ANGPT4: variants seen among roughly 807,000 people sequenced by gnomAD.
ANGPT4 encodes angiopoietin-4.
Under a neutral mutation model 53.0 loss-of-function variants are expected in ANGPT4, and 50 were observed. The ratio of observed to expected loss-of-function variants is 0.94; its 90% CI spans 0.75 to 1.20. ANGPT4 has a LOEUF of 1.20. Ranked by LOEUF, ANGPT4 falls within the 50% of genes most tolerant of loss-of-function variation. The pLI, the probability that ANGPT4 is intolerant of heterozygous loss-of-function variation, is 0.00. For synonymous variants in ANGPT4, 251 were observed against 259.7 expected (o/e 0.97, Z 0.32); for missense variants, 648 against 637.1 (o/e 1.02, Z -0.18).
At chr20:899,531 G>GCATGA (rs1568849003) in intron 1 of ANGPT4, among the ~76,000 whole-genome samples, 1 of 152,010 alleles carries the variant, frequency 6.6e-6, no homozygotes, top group African/African-American at 2.4e-5. Context: ...GGGATTACAG[G>GCATGA]CATGAACCAC....
intron 8 of ANGPT4, 23 bp from the exon 9 acceptor site, chr20:873,143 C>A (rs375075180): frequency 6.2e-7 from 1 of 1,611,268 alleles, no homozygotes; most frequent in South Asian, 1.1e-5. Context: ...GGAGGACAGG[C>A]GCTTGGTGGA....
intron 3 of ANGPT4, among the ~76,000 whole-genome samples, chr20:887,192 G>T (rs1052088312): frequency 3.9e-5 from 6 of 152,126 alleles, no homozygotes; most frequent in African/African-American, 1.2e-4. Flanking sequence ...ATTTCCTCTG[G>T]ACTCCCAATT....
At chr20:874,867 C>T (rs535923733) in intron 7 of ANGPT4, among the ~76,000 whole-genome samples, 1 of 152,232 alleles carries the variant, frequency 6.6e-6, no homozygotes, top group East Asian at 1.9e-4. Context: ...CACGGGCCAC[C>T]ATGCCCAGCT....
At chr20:874,553 G>A in intron 7 of ANGPT4, 139 bp from the exon 8 acceptor site, 1 of 1,228,554 alleles carries the variant, frequency 8.1e-7, no homozygotes, top group Non-Finnish European at 1.1e-6. Context: ...CCCCAGCCTG[G>A]GTGGAGTGCT....
chr20:902,730 G>A (rs1368732291), intron 1 of ANGPT4, among the ~76,000 whole-genome samples: 1 of 151,976 alleles, frequency 6.6e-6, no homozygotes, highest in Admixed American at 6.6e-5. Context: ...TTTTCTGAGA[G>A]AGGGTCACCG....
chr20:882,806 T>C (rs1024215752), intron 4 of ANGPT4, among the ~76,000 whole-genome samples: 2 of 152,210 alleles, frequency 1.3e-5, no homozygotes, highest in African/African-American at 2.4e-5. Flanking sequence ...TCAATAACAA[T>C]AACAACAATA....
intron 6 of ANGPT4, among the ~76,000 whole-genome samples, chr20:879,408 A>G (rs1981301128): frequency 6.6e-6 from 1 of 152,174 alleles, no homozygotes; most frequent in Admixed American, 6.5e-5. Context: ...AAGACAAGAA[A>G]CTTCATTAAA....
At chr20:905,307 T>C (rs1323345549) in intron 1 of ANGPT4, among the ~76,000 whole-genome samples, 1 of 152,244 alleles carries the variant, frequency 6.6e-6, no homozygotes. Context: ...GCCCTGTTCA[T>C]GAGCACATCC....
At chr20:884,202 A>C (rs1981518587) in intron 4 of ANGPT4, among the ~76,000 whole-genome samples, 1 of 152,242 alleles carries the variant, frequency 6.6e-6, no homozygotes, top group Admixed American at 6.5e-5. Flanking sequence ...GCCTCAGGCT[A>C]AGAGCCCTTC....
At chr20:897,077 C>T (rs180999888) in intron 1 of ANGPT4, among the ~76,000 whole-genome samples, 7 of 152,292 alleles carry the variant, frequency 4.6e-5, no homozygotes, top group Admixed American at 2.0e-4. Flanking sequence ...CAGAGAACAA[C>T]CCCCTTTAAC....
intron 6 of ANGPT4, among the ~76,000 whole-genome samples, chr20:879,320 A>G (rs6055518): frequency 4.6e-5 from 7 of 152,256 alleles, no homozygotes; most frequent in African/African-American, 1.7e-4. Context: ...TTCTCATCTG[A>G]TAAAATACAT....
Position 914,087 on chromosome 20 carries a change from T to C in ANGPT4, c.309+1819A>G, listed in dbSNP as rs1310373666. Among the ~76,000 whole-genome samples, 3 of 152,152 alleles carry C rather than the reference T, an allele frequency of 2.0e-5. No individual in the cohort carries two copies. Among genetic ancestry groups the C allele is most frequent in the African/African-American group, 7.2e-5 (3 of 41,418 alleles). ...ACCTGAGAGATTGGAAGGACATTTA[T>C]GCATTCATGCATTCACTCATGCTAC... is the stretch of plus-strand genomic sequence containing the variant. On this transcript the variant is annotated intron_variant, in intron 1 of 8. Coordinates refer to ENST00000381922, the MANE Select transcript of ANGPT4 (RefSeq NM_015985.4). The surrounding 1 kb of genome is among the most constrained non-coding windows in gnomAD (Gnocchi z 5.0).
chr20:898,177 C>T (rs1440395564), intron 1 of ANGPT4, among the ~76,000 whole-genome samples: 1 of 152,136 alleles, frequency 6.6e-6, no homozygotes, highest in Non-Finnish European at 1.5e-5. Flanking sequence ...GACCTCTCCC[C>T]TCCTCCCTGA....
rs1307443487 is a variant in ANGPT4 at position 872,712 on chromosome 20, G to T, written c.*248C>A. Reference sequence around the variant, plus strand: ...ACCCTCAGGCAGGGAGCCCCTGAAGGGGGAGGGAGAGAAGAGGGGCGAGGA... The same window carrying T: ...ACCCTCAGGCAGGGAGCCCCTGAAGTGGGAGGGAGAGAAGAGGGGCGAGGA... On this transcript the variant is annotated 3_prime_UTR_variant, in exon 9 of 9. Transcript: ENST00000381922. 7.8e-6 allele frequency: 4 copies of T among 512,098 alleles called. No individual in the cohort carries two copies. Among genetic ancestry groups the T allele is most frequent in the Admixed American group, 3.3e-5 (1 of 29,896 alleles). 31.7% of individuals were successfully genotyped at this position (512,098 alleles called of 1,614,324 possible). A position where few individuals can be genotyped will look rare whatever the true frequency, so the allele number is the denominator to read the frequency against.
At chr20:896,864 A>G (rs117894772) in intron 1 of ANGPT4, among the ~76,000 whole-genome samples, 5,161 of 152,248 alleles carry the variant, frequency 0.034, 112 homozygotes, top group Middle Eastern at 0.071. Context: ...TGTCTGGGCC[A>G]TATCTTACTA....
At chr20:873,319 A>G (rs747195187) in intron 8 of ANGPT4, among the ~76,000 whole-genome samples, 199 bp from the exon 9 acceptor site, 7 of 152,056 alleles carry the variant, frequency 4.6e-5, no homozygotes, top group Non-Finnish European at 8.8e-5. Flanking sequence ...GGGCCTCTAG[A>G]GGGCAGCAAG....
At chr20:891,558 G>A (rs1490474222) in intron 1 of ANGPT4, among the ~76,000 whole-genome samples, 1 of 152,070 alleles carries the variant, frequency 6.6e-6, no homozygotes, top group Non-Finnish European at 1.5e-5. Flanking sequence ...CTCTCACCAT[G>A]CCCCCCACCC....
At chr20:892,723 AGTG>A (rs1367915136) in intron 1 of ANGPT4, among the ~76,000 whole-genome samples, 1 of 151,974 alleles carries the variant, frequency 6.6e-6, no homozygotes, top group Non-Finnish European at 1.5e-5. Flanking sequence ...CCCAGGCTGG[AGTG>A]CAGTGATGTG....
At chr20:897,836 T>C (rs1982116818) in intron 1 of ANGPT4, among the ~76,000 whole-genome samples, 1 of 152,192 alleles carries the variant, frequency 6.6e-6, no homozygotes, top group Non-Finnish European at 1.5e-5. Context: ...TTAAAACCTC[T>C]TCAACTCACA....
Sources: allele counts gnomAD v4.1 joint callset (sites outside exome capture counted in the v4.1 genomes callset), GRCh38; gene constraint gnomAD v4.1.1; non-coding constraint Gnocchi (gnomAD v3.1); transcripts MANE v1.5; gene names NCBI Gene and HGNC (gene_info 2026-07-23, HGNC 2026-07-21).